SMYD3: variants seen among roughly 807,000 people sequenced by gnomAD.
The protein encoded by SMYD3 is histone-lysine N-methyltransferase SMYD3.
SMYD3 carries 36 observed loss-of-function variants against 57.7 expected under a neutral mutation model. The ratio of observed to expected loss-of-function variants is 0.62; its 90% confidence interval spans 0.48 to 0.82. The LOEUF is 0.82. SMYD3 is among the 40% of genes least tolerant of loss of function. SMYD3 has a pLI of 0.00. For synonymous variants in SMYD3, 211 were observed against 195.0 expected (o/e 1.08, Z -0.68); for missense variants, 515 against 538.8 (o/e 0.96, Z 0.44).
At chr1:246,435,012 G>A (rs2067350153) in intron 1 of SMYD3, among the ~76,000 whole-genome samples, 1 of 152,170 alleles carries the variant, frequency 6.6e-6, no homozygotes, top group Non-Finnish European at 1.5e-5. Context: ...GTCCTTTGCG[G>A]CAACATGGAA....
At chr1:246,101,622 G>A (rs2061017555) in intron 5 of SMYD3, among the ~76,000 whole-genome samples, 1 of 152,132 alleles carries the variant, frequency 6.6e-6, no homozygotes, top group Admixed American at 6.5e-5. Context: ...CATTGAAAAT[G>A]GTATTTTATG....
chr1:245,981,842 A>C (rs1266231009), intron 5 of SMYD3, among the ~76,000 whole-genome samples: 2 of 152,234 alleles, frequency 1.3e-5, no homozygotes, highest in African/African-American at 4.8e-5. Context: ...GAAAGAAAGA[A>C]TTCCATACTA....
At chr1:245,820,632 A>T (rs1427333607) in intron 10 of SMYD3, among the ~76,000 whole-genome samples, 2 of 152,200 alleles carry the variant, frequency 1.3e-5, no homozygotes, top group Non-Finnish European at 2.9e-5. Context: ...ACATGATTGT[A>T]TATCTAGAAA....
At chr1:245,942,341 C>A (rs2057279492) in intron 5 of SMYD3, among the ~76,000 whole-genome samples, 1 of 152,014 alleles carries the variant, frequency 6.6e-6, no homozygotes, top group Admixed American at 6.6e-5. Context: ...TAGTTTTTAA[C>A]AAAACAGACT....
chr1:246,360,101 G>A (rs1180754647), intron 1 of SMYD3, among the ~76,000 whole-genome samples: 2 of 152,094 alleles, frequency 1.3e-5, no homozygotes, highest in Admixed American at 1.3e-4. Context: ...ACTAGTACAT[G>A]AATTCAGCAA....
intron 5 of SMYD3, among the ~76,000 whole-genome samples, chr1:246,048,582 T>C (rs1424591951): frequency 2.0e-5 from 3 of 152,080 alleles, no homozygotes; most frequent in African/African-American, 4.8e-5. Context: ...AGATGTAATA[T>C]AGTATACAGT....
At chr1:246,089,380 T>A (rs1206320523) in intron 5 of SMYD3, among the ~76,000 whole-genome samples, 1 of 152,226 alleles carries the variant, frequency 6.6e-6, no homozygotes. Flanking sequence ...ACATTTTCCA[T>A]GTCCATGAGT....
intron 8 of SMYD3, among the ~76,000 whole-genome samples, chr1:245,876,668 T>G (rs1483181092): frequency 1.3e-5 from 2 of 152,220 alleles, no homozygotes; most frequent in Non-Finnish European, 2.9e-5. Flanking sequence ...CTTCAGGTGC[T>G]CTTTAGCTCA....
intron 5 of SMYD3, among the ~76,000 whole-genome samples, chr1:245,985,883 T>C (rs995272115): frequency 2.6e-5 from 4 of 152,176 alleles, no homozygotes; most frequent in Non-Finnish European, 5.9e-5. Context: ...CTCATTCCAC[T>C]TGAAACCTGC....
rs1248202997 is a variant in SMYD3 at position 246,244,693 on chromosome 1, ATTT to A, written c.531+82505_531+82507del. 2.0e-5 allele frequency among the ~76,000 whole-genome samples: 3 copies of A among 152,228 alleles called. No homozygotes were observed. In the East Asian group the frequency reaches 5.8e-4, roughly 29 times the overall value. On this transcript the variant is annotated intron_variant, in intron 5 of 11. Coordinates refer to ENST00000490107, the MANE Select transcript of SMYD3 (RefSeq NM_001167740.2). The stretch of plus-strand genomic sequence containing the variant: ...GTTATAAAAATTACTTTTGCTTTAT[ATTT>A]TCTAGTTGTGTAAAAAGGGACAAGA...
chr1:246,455,879 T>C (rs2103033194), intron 1 of SMYD3, among the ~76,000 whole-genome samples: 1 of 152,314 alleles, frequency 6.6e-6, no homozygotes, highest in Admixed American at 6.5e-5. Context: ...ATTTTCTACA[T>C]CAATGATAAA....
chr1:246,499,778 AT>A (rs2068429022), intron 1 of SMYD3, among the ~76,000 whole-genome samples: 2 of 152,146 alleles, frequency 1.3e-5, no homozygotes, highest in Admixed American at 1.3e-4. Context: ...TTAAATAGGT[AT>A]TTTCAAAACT....
chr1:246,501,503 G>A (rs1331258773), intron 1 of SMYD3, among the ~76,000 whole-genome samples: 2 of 152,260 alleles, frequency 1.3e-5, no homozygotes, highest in East Asian at 3.9e-4. Flanking sequence ...TACATATCAA[G>A]TCAACCCATT....
Position 245,871,569 on chromosome 1 carries a change from T to C in SMYD3, c.814-7683A>G, listed in dbSNP as rs188783008. 2.2e-4 allele frequency among the ~76,000 whole-genome samples: 33 copies of C among 152,316 alleles called. 2 individuals are homozygous for C. The highest frequency in any genetic ancestry group is 1.7e-3 in the East Asian group (9 of 5,176). Reference sequence around the variant, plus strand: ...AATTGTAGTATGTTCTAATTAGCAATTAATCAGCAAATGTACACAACGATT... The same window carrying C: ...AATTGTAGTATGTTCTAATTAGCAACTAATCAGCAAATGTACACAACGATT... On this transcript the variant is annotated intron_variant, in intron 8 of 11. Transcript: ENST00000490107.
At chr1:246,176,341 T>G (rs2062433650) in intron 5 of SMYD3, among the ~76,000 whole-genome samples, 1 of 152,184 alleles carries the variant, frequency 6.6e-6, no homozygotes, top group African/African-American at 2.4e-5. Context: ...AGGACTATAT[T>G]TAGCTCTTCA....
intron 5 of SMYD3, among the ~76,000 whole-genome samples, chr1:246,289,954 G>A (rs2064654823): frequency 6.6e-6 from 1 of 152,136 alleles, no homozygotes; most frequent in Non-Finnish European, 1.5e-5. Context: ...ACGAGTGTGT[G>A]GGCCTGTGAG....
chr1:246,093,903 CT>C (rs2060866735), intron 5 of SMYD3, among the ~76,000 whole-genome samples: 1 of 151,976 alleles, frequency 6.6e-6, no homozygotes, highest in Admixed American at 6.6e-5. Context: ...CCGCCAAATA[CT>C]TTTTTAGAAA....
At chr1:246,146,380 T>C (rs1016639489) in intron 5 of SMYD3, among the ~76,000 whole-genome samples, 17 of 152,172 alleles carry the variant, frequency 1.1e-4, no homozygotes, top group African/African-American at 3.6e-4. Flanking sequence ...AGAAAATGCT[T>C]ATGGCCTGAC....
intron 10 of SMYD3, among the ~76,000 whole-genome samples, chr1:245,815,470 T>C (rs1189257093): frequency 2.6e-4 from 40 of 152,216 alleles, no homozygotes; most frequent in Non-Finnish European, 1.5e-5. Flanking sequence ...GGGGAGCTAA[T>C]GACACATGGA....
Sources: allele counts gnomAD v4.1 joint callset (sites outside exome capture counted in the v4.1 genomes callset), GRCh38; gene constraint gnomAD v4.1.1; transcripts MANE v1.5; gene names NCBI Gene and HGNC (gene_info 2026-07-23, HGNC 2026-07-21).